Variants in MICAL3 observed in about 807,000 individuals in gnomAD.
MICAL3 encodes [F-actin]-monooxygenase MICAL3.
A neutral mutation model predicts 207.4 loss-of-function variants in MICAL3; 62 were observed. The observed-to-expected ratio is 0.30, with a 90% CI of 0.24 to 0.37. The LOEUF is 0.37. MICAL3 is among the 10% of genes least tolerant of loss of function. The pLI, the probability that MICAL3 is intolerant of heterozygous loss-of-function variation, is 1.00. For missense variants in MICAL3, 2,368 were observed against 2,635.6 expected (o/e 0.90, Z 2.22); for synonymous variants, 1,077 against 1,069.3 (o/e 1.01, Z -0.14).
At chr22:17,981,641 AGC>A (rs1935913245) in intron 1 of MICAL3, among the ~76,000 whole-genome samples, 1 of 152,190 alleles carries the variant, frequency 6.6e-6, no homozygotes, top group Non-Finnish European at 1.5e-5. Flanking sequence ...ATGACATGTG[AGC>A]GCAGACACAG....
intron 21 of MICAL3, among the ~76,000 whole-genome samples, chr22:17,829,459 G>A (rs913123913): frequency 3.3e-5 from 5 of 152,192 alleles, no homozygotes; most frequent in African/African-American, 9.7e-5. Context: ...ATGAGCCACT[G>A]CACCCGGCCG....
In MICAL3 at chr22:17,841,833, G is replaced by A. The variant is rs560042107; in HGVS notation, c.2790C>T (p.Asp930=). The A allele has an allele frequency of 2.1e-5, 33 of 1,548,790 alleles. No homozygotes were observed. The highest frequency in any genetic ancestry group is 1.8e-4 in the African/African-American group (13 of 73,308). The change falls in exon 20 of 32, where the codon GAC becomes GAT. Residue 930 remains aspartate (D), a synonymous_variant. Transcript: ENST00000441493. This position sits in a 1 kb window ranked among gnomAD's most constrained non-coding sequence, Gnocchi z 4.2. ...SSVLDTGAEE[D]VASSSSESEM... ...CCCTGCGTGCTGACCTGCTGGCGAC[G>A]TCCTCCTCGGCGCCCGTGTCCAGCA...
intron 1 of MICAL3, among the ~76,000 whole-genome samples, chr22:17,940,340 T>C (rs552980554): frequency 6.6e-6 from 1 of 152,086 alleles, no homozygotes; most frequent in Admixed American, 6.5e-5. Context: ...AGGGGATCAA[T>C]GCTGCAGTGA....
intron 1 of MICAL3, among the ~76,000 whole-genome samples, chr22:17,985,643 G>A (rs1471182298): frequency 5.3e-5 from 8 of 151,978 alleles, no homozygotes; most frequent in Non-Finnish European, 1.0e-4. Flanking sequence ...TTCCCAGTAG[G>A]CCCCTTTAAA....
chr22:18,018,515 G>A (rs1924218818), intron 1 of MICAL3, among the ~76,000 whole-genome samples: 1 of 152,066 alleles, frequency 6.6e-6, no homozygotes, highest in Admixed American at 6.5e-5. Flanking sequence ...CCCGAGGTCA[G>A]GAGTTTGAGA....
At chr22:17,872,269 T>C (rs1927799403) in intron 16 of MICAL3, among the ~76,000 whole-genome samples, 1 of 152,252 alleles carries the variant, frequency 6.6e-6, no homozygotes, top group Non-Finnish European at 1.5e-5. Flanking sequence ...TGGGCCAGCC[T>C]GCTGCTGACG....
chr22:17,912,434 T>C (rs536823878), intron 1 of MICAL3, among the ~76,000 whole-genome samples: 1 of 152,310 alleles, frequency 6.6e-6, no homozygotes, highest in African/African-American at 2.4e-5. Flanking sequence ...GTTTGGGTAA[T>C]TGTGACATCT....
intron 29 of MICAL3, among the ~76,000 whole-genome samples, chr22:17,800,044 G>A (rs2061922017): frequency 6.6e-6 from 1 of 151,544 alleles, no homozygotes; most frequent in Non-Finnish European, 1.5e-5. Context: ...GCTGATGGTG[G>A]ACTGGTCAGG....
chr22:17,946,314 A>C (rs2146347499), intron 1 of MICAL3, among the ~76,000 whole-genome samples: 1 of 152,314 alleles, frequency 6.6e-6, no homozygotes, highest in Non-Finnish European at 1.5e-5. Flanking sequence ...TACCTTGTGG[A>C]CCATATCAGA....
chr22:17,822,721 G>C (rs560538875), intron 23 of MICAL3, among the ~76,000 whole-genome samples: 26 of 152,342 alleles, frequency 1.7e-4, no homozygotes, highest in African/African-American at 6.0e-4. Context: ...TAAAGCCACA[G>C]GTTGGCTCAG....
chr22:17,810,722 T>C lies in MICAL3; in HGVS notation c.5537A>G (p.Lys1846Arg), dbSNP rs750178585. ...ARRQAKQEEL[K>R]RLHRAQIIQR... is the part of the protein sequence containing the mutation. ...TTTTACCTGGGCTCGATGCAGCCGC[T>C]TAAGCTCCTCCTGCTTGGCCTGTCT... is the stretch of plus-strand genomic sequence containing the variant. Residue 1846 changes from lysine to arginine, a missense_variant, in exon 28 of 32, where the codon AAG (lysine) becomes AGG (arginine). Lys to Arg is a conservative substitution (Grantham distance 26). Coordinates refer to ENST00000441493, the MANE Select transcript of MICAL3 (RefSeq NM_015241.3). 6.2e-7 allele frequency: 1 copy of C among 1,613,974 alleles called. No homozygotes were observed. Among genetic ancestry groups the C allele is most frequent in the Non-Finnish European group, 8.5e-7 (1 of 1,179,842 alleles).
chr22:17,987,801 C>A (rs1185846990), intron 1 of MICAL3, among the ~76,000 whole-genome samples: 1 of 140,160 alleles, frequency 7.1e-6, no homozygotes, highest in South Asian at 2.3e-4. Context: ...TCAAATTGGT[C>A]TGAAAAAAAT....
chr22:17,827,582 G>T, intron 22 of MICAL3, 62 bp downstream of exon 22: 1 of 1,487,234 alleles, frequency 6.7e-7, no homozygotes, highest in Non-Finnish European at 9.0e-7. Context: ...CCCCTGTGGC[G>T]ACAGAGGCAG....
At chr22:18,002,449 A>C (rs1006423375) in intron 1 of MICAL3, among the ~76,000 whole-genome samples, 10 of 152,038 alleles carry the variant, frequency 6.6e-5, no homozygotes, top group African/African-American at 2.2e-4. Context: ...CCTTACCAAC[A>C]TGGTGAAACC....
chr22:17,926,826 G>T (rs908920516), intron 1 of MICAL3, among the ~76,000 whole-genome samples: 1 of 152,172 alleles, frequency 6.6e-6, no homozygotes, highest in Non-Finnish European at 1.5e-5. Flanking sequence ...CCTTTCTAAC[G>T]TCACTGCATT....
chr22:17,817,150 T>C (rs751572959), intron 26 of MICAL3, among the ~76,000 whole-genome samples, 161 bp downstream of exon 26: 3 of 152,312 alleles, frequency 2.0e-5, no homozygotes, highest in Admixed American at 6.5e-5. Flanking sequence ...AAGCTGGCTA[T>C]GCCCTGTGAA....
chr22:18,000,136 A>G (rs1922769029), intron 1 of MICAL3, among the ~76,000 whole-genome samples: 1 of 152,176 alleles, frequency 6.6e-6, no homozygotes. Flanking sequence ...TCCCTGGAGT[A>G]CAACGACTGT....
intron 1 of MICAL3, among the ~76,000 whole-genome samples, chr22:17,923,343 G>T (rs1238777492): frequency 6.6e-6 from 1 of 152,198 alleles, no homozygotes; most frequent in Non-Finnish European, 1.5e-5. Context: ...AAAACCAACT[G>T]CCATGACCTC....
chr22:17,884,700 T>G (rs2146215171), intron 16 of MICAL3, among the ~76,000 whole-genome samples: 1 of 152,194 alleles, frequency 6.6e-6, no homozygotes, highest in East Asian at 1.9e-4. Context: ...AACCTTCTCT[T>G]AGAGGCAACC....
Sources: gnomAD v4.1 joint callset for allele counts (sites outside exome capture counted in the v4.1 genomes callset) on GRCh38, gnomAD v4.1.1 for gene constraint, Gnocchi (gnomAD v3.1) non-coding constraint, MANE v1.5 for transcripts, NCBI Gene and HGNC (gene_info 2026-07-23, HGNC 2026-07-21) for gene names.